PPM1E: variants seen among roughly 807,000 people sequenced by gnomAD.
The protein encoded by PPM1E is protein phosphatase, Mg2+/Mn2+ dependent 1E.
In PPM1E, 20 loss-of-function variants were observed where a neutral mutation model predicts 65.9. That is an observed-to-expected ratio of 0.30 (90% CI 0.21 to 0.44). PPM1E has a LOEUF of 0.44. Ranked by LOEUF, PPM1E falls within the 20% of genes least tolerant of loss-of-function variation. The probability of loss-of-function intolerance (pLI) is 1.00; values close to 1 mark genes in which losing one functional copy is unlikely to be tolerated. For synonymous variants in PPM1E, 352 were observed against 374.9 expected (o/e 0.94, Z 0.70); for missense variants, 713 against 953.1 (o/e 0.75, Z 3.32).
At chr17:58,913,948 G>A (rs1037129159) in intron 1 of PPM1E, among the ~76,000 whole-genome samples, 3 of 152,168 alleles carry the variant, frequency 2.0e-5, no homozygotes, top group Non-Finnish European at 4.4e-5. Context: ...TACAAAGGCA[G>A]TTTTGTTTCC....
At chr17:58,859,084 A>C (rs141318284) in intron 1 of PPM1E, among the ~76,000 whole-genome samples, 2 of 152,346 alleles carry the variant, frequency 1.3e-5, no homozygotes, top group African/African-American at 4.8e-5. Flanking sequence ...TAGTGTTCCA[A>C]AGTGGGAAAG....
At chr17:58,895,563 T>G (rs1406206909) in intron 1 of PPM1E, among the ~76,000 whole-genome samples, 1 of 151,946 alleles carries the variant, frequency 6.6e-6, no homozygotes, top group Admixed American at 6.6e-5. Flanking sequence ...TTCCAAAACT[T>G]TGGGAGGCTG....
rs5821250 is a variant in PPM1E at position 58,891,832 on chromosome 17, C to CTTTTTTTTTTTTTTT, written c.465-63810_465-63796dup. Among the ~76,000 whole-genome samples, 164 of 85,458 alleles carry CTTTTTTTTTTTTTTT rather than the reference C, an allele frequency of 1.9e-3. 1 individual carries two copies. Among genetic ancestry groups the CTTTTTTTTTTTTTTT allele is most frequent in the Non-Finnish European group, 2.4e-3 (113 of 46,706 alleles). The allele number at this position is 85,458 out of a possible 152,430, so 56.1% of individuals were successfully genotyped here. A position where few individuals can be genotyped will look rare whatever the true frequency, so the allele number is the denominator to read the frequency against. The stretch of plus-strand genomic sequence containing the variant: ...TTATGTTTTACATTTTTTTCTTTTT[C>CTTTTTTTTTTTTTTT]TTTTTTTTTTTTTTTTTTTTTGAGA... On this transcript the variant is annotated intron_variant, in intron 1 of 6. Coordinates refer to ENST00000308249, the MANE Select transcript of PPM1E (RefSeq NM_014906.5).
At chr17:58,961,251 TATTTA>T (rs1321179717) in intron 2 of PPM1E, among the ~76,000 whole-genome samples, 2 of 152,238 alleles carry the variant, frequency 1.3e-5, no homozygotes, top group South Asian at 2.1e-4. Flanking sequence ...TTTTAATGGT[TATTTA>T]ATTTATATAA....
At chr17:58,914,402 T>C (rs1164665257) in intron 1 of PPM1E, among the ~76,000 whole-genome samples, 1 of 152,156 alleles carries the variant, frequency 6.6e-6, no homozygotes, top group African/African-American at 2.4e-5. Flanking sequence ...TGACAGTTGC[T>C]CAATCCTTCC....
intron 1 of PPM1E, among the ~76,000 whole-genome samples, chr17:58,833,101 T>C (rs756483828): frequency 1.3e-5 from 2 of 151,918 alleles, no homozygotes; most frequent in South Asian, 2.1e-4. Flanking sequence ...TTCACAGTTA[T>C]TATATACAAT....
chr17:58,859,530 C>T (rs2050917233), intron 1 of PPM1E, among the ~76,000 whole-genome samples: 1 of 152,138 alleles, frequency 6.6e-6, no homozygotes, highest in Admixed American at 6.5e-5. Context: ...AGAGTCATGT[C>T]CCATGGCAAG....
intron 6 of PPM1E, among the ~76,000 whole-genome samples, chr17:58,978,516 G>A (rs926348077): frequency 1.3e-5 from 2 of 152,060 alleles, no homozygotes; most frequent in Non-Finnish European, 2.9e-5. Flanking sequence ...TTCGACGCCA[G>A]CCTGGCCAAT....
At chr17:58,816,761 TA>T (rs1567842044) in intron 1 of PPM1E, among the ~76,000 whole-genome samples, 93 of 8,426 alleles carry the variant, frequency 0.011, 1 homozygote, top group African/African-American at 0.031. Flanking sequence ...TATATATATA[TA>T]TATATATATA....
chr17:58,938,952 C>T (rs556123109), intron 1 of PPM1E, among the ~76,000 whole-genome samples: 4 of 152,110 alleles, frequency 2.6e-5, no homozygotes, highest in African/African-American at 4.8e-5. Flanking sequence ...CCACGCCCAG[C>T]TAATTTTTTG....
At chr17:58,825,591 G>T (rs1031780406) in intron 1 of PPM1E, among the ~76,000 whole-genome samples, 1 of 151,670 alleles carries the variant, frequency 6.6e-6, no homozygotes, top group Non-Finnish European at 1.5e-5. Flanking sequence ...TGGAAACAGA[G>T]TCTCACTTTG....
chr17:58,902,097 T>C (rs2143473344), intron 1 of PPM1E, among the ~76,000 whole-genome samples: 1 of 152,204 alleles, frequency 6.6e-6, no homozygotes, highest in South Asian at 2.1e-4. Context: ...TATCATACAT[T>C]AGTAATAAAG....
At chr17:58,958,549 C>T (rs2029922757) in intron 2 of PPM1E, among the ~76,000 whole-genome samples, 1 of 151,376 alleles carries the variant, frequency 6.6e-6, no homozygotes, top group South Asian at 2.1e-4. Context: ...AAAATGATCA[C>T]TAATACAGAG....
Position 58,756,187 on chromosome 17 carries a change from G to A in PPM1E, c.190G>A (p.Glu64Lys). ...VEAEAAEASV[E>K]EPGEEAATVA... is the part of the protein sequence containing the mutation. ...AGCTGAGGCGGCCGAGGCTTCGGTA[G>A]AGGAACCCGGGGAGGAGGCGGCCAC... Residue 64 changes from glutamate (E) to lysine (K), a missense_variant, in exon 1 of 7, where the codon GAG becomes AAG. Around this residue, in one of 6 missense-constraint regions of PPM1E, gnomAD observed 212 missense variants for 204.0 expected, o/e 1.04. Coordinates refer to ENST00000308249, the MANE Select transcript of PPM1E (RefSeq NM_014906.5). The A allele has an allele frequency of 6.4e-7, 1 of 1,565,818 alleles. No individual in the cohort carries two copies. The highest frequency in any genetic ancestry group is 1.2e-5 in the South Asian group (1 of 85,696).
intron 1 of PPM1E, among the ~76,000 whole-genome samples, chr17:58,872,880 G>A (rs1022358420): frequency 1.3e-5 from 2 of 152,238 alleles, no homozygotes; most frequent in Admixed American, 6.5e-5. Flanking sequence ...GAAGTGATTG[G>A]TTACAGTTTG....
chr17:58,942,941 T>C (rs140938064), intron 1 of PPM1E, among the ~76,000 whole-genome samples: 1,764 of 152,220 alleles, frequency 0.012, 14 homozygotes, highest in Middle Eastern at 0.041. Context: ...GAGGATCCCT[T>C]GAGCCCAGGA....
intron 1 of PPM1E, among the ~76,000 whole-genome samples, chr17:58,887,414 G>A (rs887529496): frequency 2.0e-5 from 3 of 152,040 alleles, no homozygotes; most frequent in Non-Finnish European, 2.9e-5. Flanking sequence ...TGATCTGCCC[G>A]TCTCGGCCTC....
chr17:58,881,792 G>A (rs1302808740), intron 1 of PPM1E, among the ~76,000 whole-genome samples: 3 of 151,632 alleles, frequency 2.0e-5, no homozygotes, highest in South Asian at 4.2e-4. Context: ...ACATTGAGCC[G>A]AGATTGTGCC....
intron 1 of PPM1E, among the ~76,000 whole-genome samples, chr17:58,898,555 TTGG>T (rs2051454360): frequency 6.6e-6 from 1 of 152,162 alleles, no homozygotes; most frequent in East Asian, 1.9e-4. Flanking sequence ...TTTTACACTG[TTGG>T]TGGGAGTGTA....
Sources: allele counts gnomAD v4.1 joint callset (sites outside exome capture counted in the v4.1 genomes callset), GRCh38; gene constraint gnomAD v4.1.1; regional missense constraint gnomAD v4.1.1; transcripts MANE v1.5; gene names NCBI Gene and HGNC (gene_info 2026-07-23, HGNC 2026-07-21).